CADPS2: variants seen among roughly 807,000 people sequenced by gnomAD.
CADPS2 encodes calcium dependent secretion activator 2, also known as calcium-dependent secretion activator 2.
CADPS2 carries 93 observed loss-of-function variants against 172.5 expected under a neutral mutation model. The observed-to-expected ratio is 0.54, with a 90% CI of 0.46 to 0.64. The LOEUF is 0.64. Among genes scored for constraint, CADPS2 ranks in the 30% least tolerant of loss-of-function variants. CADPS2 has a pLI of 0.00. For missense variants in CADPS2, 1,420 were observed against 1,565.9 expected, an observed-to-expected ratio of 0.91 and a Z score of 1.57; for synonymous variants, 546 against 555.2, an observed-to-expected ratio of 0.98 and a Z score of 0.23.
chr7:122,522,424 TA>T (rs1003972089), intron 8 of CADPS2, among the ~76,000 whole-genome samples: 6 of 151,616 alleles, frequency 4.0e-5, no homozygotes, highest in African/African-American at 9.7e-5. Context: ...CCCTTTTTAT[TA>T]AAAAAAAATT....
At chr7:122,409,178 A>G (rs948554600) in intron 19 of CADPS2, among the ~76,000 whole-genome samples, 3 of 152,238 alleles carry the variant, frequency 2.0e-5, no homozygotes, top group African/African-American at 7.2e-5. Flanking sequence ...ACATGATTTC[A>G]TTACACAGAT....
intron 1 of CADPS2, among the ~76,000 whole-genome samples, chr7:122,856,886 C>T (rs2428910): frequency 0.44 from 66,247 of 151,994 alleles, 16,708 homozygotes; most frequent in African/African-American, 0.7. Context: ...ATTCTTAGTA[C>T]TATATATATC....
intron 11 of CADPS2, among the ~76,000 whole-genome samples, chr7:122,482,711 A>G (rs1022993220): frequency 1.3e-5 from 2 of 152,202 alleles, no homozygotes; most frequent in Non-Finnish European, 2.9e-5. Context: ...CACAAGCAAC[A>G]GGAACCCAGG....
At chr7:122,449,018 A>G (rs1296815774) in intron 15 of CADPS2, among the ~76,000 whole-genome samples, 1 of 152,238 alleles carries the variant, frequency 6.6e-6, no homozygotes, top group East Asian at 1.9e-4. Context: ...AGAATCACAA[A>G]GAAAGAGAGC....
intron 8 of CADPS2, among the ~76,000 whole-genome samples, chr7:122,540,233 TA>T: frequency 6.6e-6 from 1 of 152,218 alleles, no homozygotes; most frequent in Non-Finnish European, 1.5e-5. Flanking sequence ...TGAACTGTAA[TA>T]AATGCTAAAA....
At chr7:122,510,952 A>C (rs1340513412) in intron 9 of CADPS2, among the ~76,000 whole-genome samples, 1 of 152,106 alleles carries the variant, frequency 6.6e-6, no homozygotes, top group Non-Finnish European at 1.5e-5. Flanking sequence ...TTCTCAGTTC[A>C]TTTGGGCATG....
chr7:122,446,554 CT>C (rs1319238050), intron 15 of CADPS2, among the ~76,000 whole-genome samples: 1 of 152,186 alleles, frequency 6.6e-6, no homozygotes, highest in Admixed American at 6.5e-5. Context: ...AGAACTACCC[CT>C]GGTCCTGTGT....
chr7:122,645,681 A>ATATATATCTC (rs796988558), intron 3 of CADPS2, among the ~76,000 whole-genome samples: 4,036 of 116,608 alleles, frequency 0.035, 100 homozygotes, highest in Middle Eastern at 0.051. Flanking sequence ...ATATATATAT[A>ATATATATCTC]TCTTGGGATT....
chr7:122,441,216 T>C (rs1162027028), intron 16 of CADPS2, among the ~76,000 whole-genome samples: 2 of 152,064 alleles, frequency 1.3e-5, no homozygotes, highest in South Asian at 2.1e-4. Flanking sequence ...ACAATTATTC[T>C]TAACTGAAAA....
intron 1 of CADPS2, among the ~76,000 whole-genome samples, chr7:122,740,450 A>T (rs2092402866): frequency 6.6e-6 from 1 of 152,130 alleles, no homozygotes; most frequent in African/African-American, 2.4e-5. Flanking sequence ...AGCCAATATA[A>T]AAAGGCTACA....
chr7:122,772,002 G>T (rs1253353838), intron 1 of CADPS2, among the ~76,000 whole-genome samples: 1 of 152,192 alleles, frequency 6.6e-6, no homozygotes, highest in East Asian at 1.9e-4. Flanking sequence ...GGAACAGTGA[G>T]GAACAGTGGA....
chr7:122,800,584 T>C (rs1797394190), intron 1 of CADPS2, among the ~76,000 whole-genome samples: 1 of 152,102 alleles, frequency 6.6e-6, no homozygotes, highest in African/African-American at 2.4e-5. Context: ...ACATTTTGAA[T>C]AGCAGGGTCC....
chr7:122,817,094 G>A (rs13311291), intron 1 of CADPS2, among the ~76,000 whole-genome samples: 1 of 148,582 alleles, frequency 6.7e-6, no homozygotes, highest in Non-Finnish European at 1.5e-5. Context: ...TTCAGACTCA[G>A]CCCGCCTGCA....
At chr7:122,333,736 A>G (rs1317307260) in intron 28 of CADPS2, among the ~76,000 whole-genome samples, 1 of 152,202 alleles carries the variant, frequency 6.6e-6, no homozygotes, top group Admixed American at 6.5e-5. Context: ...AATGTAGTTC[A>G]TGTCTCCCTC....
chr7:122,493,117 AAC>A (rs2058444951), intron 9 of CADPS2, among the ~76,000 whole-genome samples: 1 of 152,204 alleles, frequency 6.6e-6, no homozygotes, highest in Admixed American at 6.5e-5. Flanking sequence ...AAGGCAAAGC[AAC>A]AGACTAAGAG....
At chr7:122,322,090 A>C (rs1011815303) in intron 29 of CADPS2, among the ~76,000 whole-genome samples, 9 of 152,248 alleles carry the variant, frequency 5.9e-5, no homozygotes, top group African/African-American at 2.2e-4. Flanking sequence ...TAAACATGGC[A>C]TTATTACCAC....
intron 8 of CADPS2, among the ~76,000 whole-genome samples, chr7:122,546,825 T>A (rs559767453): frequency 1.3e-5 from 2 of 152,238 alleles, no homozygotes; most frequent in South Asian, 4.1e-4. Context: ...GCCTGTCTCA[T>A]CATTAAAACA....
chr7:122,492,528 A>G (rs1014851463), intron 9 of CADPS2, among the ~76,000 whole-genome samples: 2 of 152,116 alleles, frequency 1.3e-5, no homozygotes, highest in African/African-American at 4.8e-5. Context: ...TCATGTATGC[A>G]GCAAAGACGT....
rs573211498 is a variant in CADPS2, at chr7:122,598,353, G to T, written c.1223+16828C>A. 4.7e-3 allele frequency among the ~76,000 whole-genome samples: 720 copies of T among 151,918 alleles called. 2 individuals carry two copies. The highest frequency in any genetic ancestry group is 7.9e-3 in the Non-Finnish European group (536 of 67,940). ...TAGCTTTAGAAACGTTCAAATTCTA[G>T]CTTACATTTAAAAAGTAGTTTCTCC... On this transcript the variant is annotated intron_variant, in intron 6 of 29. Coordinates refer to ENST00000449022, the MANE Select transcript of CADPS2 (RefSeq NM_017954.11).
Sources: gnomAD v4.1 joint callset for allele counts (sites outside exome capture counted in the v4.1 genomes callset) on GRCh38, gnomAD v4.1.1 for gene constraint, MANE v1.5 for transcripts, NCBI Gene and HGNC (gene_info 2026-07-23, HGNC 2026-07-21) for gene names.